SPATS2L: variants seen among roughly 807,000 people sequenced by gnomAD.
SPATS2L encodes SPATS2-like protein.
A neutral mutation model predicts 59.6 loss-of-function variants in SPATS2L; 30 were observed. That is an observed-to-expected ratio of 0.50 (90% CI 0.38 to 0.68). The LOEUF is 0.68. Ranked by LOEUF, SPATS2L falls within the 30% of genes least tolerant of loss-of-function variation. The probability of loss-of-function intolerance (pLI) is 0.00; values close to 1 mark genes in which losing one functional copy is unlikely to be tolerated. For missense variants in SPATS2L, 615 were observed against 700.0 expected, an observed-to-expected ratio of 0.88 and a Z score of 1.37; for synonymous variants, 252 against 263.5, an observed-to-expected ratio of 0.96 and a Z score of 0.42.
chr2:200,467,232 G>A (rs2086664156), intron 9 of SPATS2L, 58 bp from the exon 10 acceptor site: 1 of 1,157,594 alleles, frequency 8.6e-7, no homozygotes, highest in Admixed American at 1.8e-5. Context: ...CAAGAAATTA[G>A]GTTATTTAAT....
chr2:200,378,199 AC>A, intron 2 of SPATS2L: 9 of 1,001,986 alleles, frequency 9.0e-6, no homozygotes, highest in Non-Finnish European at 1.1e-5. Context: ...TCCTGCTACT[AC>A]CCTGGTTTCT....
At chr2:200,402,093 T>C (rs1386449379) in intron 3 of SPATS2L, among the ~76,000 whole-genome samples, 2 of 152,216 alleles carry the variant, frequency 1.3e-5, no homozygotes, top group East Asian at 1.9e-4. Flanking sequence ...TCCCAAGAAA[T>C]TTGTGAGTCT....
intron 6 of SPATS2L, among the ~76,000 whole-genome samples, chr2:200,433,482 A>T (rs999481888): frequency 3.9e-5 from 6 of 152,148 alleles, no homozygotes; most frequent in African/African-American, 1.4e-4. Context: ...AATTGAATTA[A>T]CAATAGCAAT....
chr2:200,475,227 A>G (rs981787594), intron 12 of SPATS2L, among the ~76,000 whole-genome samples: 27 of 152,146 alleles, frequency 1.8e-4, no homozygotes, highest in African/African-American at 6.3e-4. Flanking sequence ...TGGTGTGTGA[A>G]CCCCAAAAAT....
chr2:200,410,399 CAA>C (rs2082836423), intron 3 of SPATS2L, among the ~76,000 whole-genome samples: 1 of 52,886 alleles, frequency 1.9e-5, no homozygotes, highest in Non-Finnish European at 5.5e-5. Flanking sequence ...AAAAACAAAA[CAA>C]AACAAAACAA....
chr2:200,312,241 T>A (rs1342230595), intron 1 of SPATS2L, among the ~76,000 whole-genome samples: 2 of 152,212 alleles, frequency 1.3e-5, no homozygotes, highest in Non-Finnish European at 2.9e-5. Context: ...GAAATGCCAC[T>A]GAAGGTTGAC....
intron 6 of SPATS2L, among the ~76,000 whole-genome samples, chr2:200,435,218 C>T (rs1574524762): frequency 2.6e-5 from 4 of 152,072 alleles, no homozygotes; most frequent in Admixed American, 1.3e-4. Flanking sequence ...CAGAAACCAA[C>T]GTGATACTCA....
In SPATS2L at chr2:200,312,571, T is replaced by C. The variant is rs139301974; in HGVS notation, c.-73+5649T>C. Among the ~76,000 whole-genome samples, 102 of 152,354 alleles carry C rather than the reference T, an allele frequency of 6.7e-4. 1 individual carries two copies. The highest frequency in any genetic ancestry group is 5.2e-3 in the Admixed American group (79 of 15,308). ...ATCGCCTATACCAGGCAATATCTTA[T>C]TTAATTATATACATTCTCTCCTTTA... is the stretch of plus-strand genomic sequence containing the variant. On this transcript the variant is annotated intron_variant, in intron 1 of 12. Transcript: ENST00000409140.
At chr2:200,397,185 C>T (rs2082382218) in intron 3 of SPATS2L, among the ~76,000 whole-genome samples, 1 of 152,146 alleles carries the variant, frequency 6.6e-6, no homozygotes, top group Admixed American at 6.5e-5. Flanking sequence ...CCTGGTAGCC[C>T]CTGTGCACTG....
intron 2 of SPATS2L, among the ~76,000 whole-genome samples, chr2:200,330,076 CACTT>C (rs906802886): frequency 6.6e-6 from 1 of 152,226 alleles, no homozygotes; most frequent in African/African-American, 2.4e-5. Flanking sequence ...CTTCGCATGT[CACTT>C]ACTTTTCTGA....
rs554461818 is a variant in SPATS2L at position 200,308,647 on chromosome 2, A to G, written c.-73+1725A>G. Reference sequence around the variant, plus strand: ...AATACACACACACACACACACAGACACACAAACTAGAGACTAGCCCCAAAA... The same window carrying G: ...AATACACACACACACACACACAGACGCACAAACTAGAGACTAGCCCCAAAA... On this transcript the variant is annotated intron_variant, in intron 1 of 12. Transcript: ENST00000409140. Among the ~76,000 whole-genome samples, 10 of 152,336 alleles carry G rather than the reference A, an allele frequency of 6.6e-5. No individual in the cohort carries two copies. In the East Asian group the frequency reaches 1.7e-3, roughly 26 times the overall value.
intron 3 of SPATS2L, among the ~76,000 whole-genome samples, chr2:200,391,949 T>C (rs1189090238): frequency 6.6e-6 from 1 of 152,230 alleles, no homozygotes; most frequent in East Asian, 1.9e-4. Flanking sequence ...CCTTGGGGTA[T>C]TATTACATGT....
intron 2 of SPATS2L, among the ~76,000 whole-genome samples, chr2:200,347,841 A>G (rs1392210080): frequency 3.3e-5 from 5 of 152,246 alleles, no homozygotes; most frequent in African/African-American, 1.2e-4. Flanking sequence ...CATTTATAGT[A>G]AACGAAGTTG....
intron 6 of SPATS2L, among the ~76,000 whole-genome samples, chr2:200,424,578 C>A (rs1228224372): frequency 6.6e-6 from 1 of 152,172 alleles, no homozygotes; most frequent in Non-Finnish European, 1.5e-5. Flanking sequence ...ATGTCTAAAG[C>A]ACATGTTGAC....
At chr2:200,367,510 G>A (rs1055316063) in intron 2 of SPATS2L, among the ~76,000 whole-genome samples, 1 of 152,180 alleles carries the variant, frequency 6.6e-6, no homozygotes, top group East Asian at 1.9e-4. Context: ...TGGTACAGAA[G>A]CCTAGATGAA....
At chr2:200,411,003 TCACA>T (rs2082857357) in intron 3 of SPATS2L, among the ~76,000 whole-genome samples, 1 of 148,564 alleles carries the variant, frequency 6.7e-6, no homozygotes, top group African/African-American at 2.5e-5. Context: ...TGTGTGTGAC[TCACA>T]CACATACATA....
intron 4 of SPATS2L, among the ~76,000 whole-genome samples, chr2:200,415,922 T>C (rs1214469639): frequency 6.6e-6 from 1 of 152,124 alleles, no homozygotes; most frequent in Non-Finnish European, 1.5e-5. Context: ...GATGTGAACA[T>C]ATGAATAGGG....
intron 5 of SPATS2L, among the ~76,000 whole-genome samples, chr2:200,418,581 TAATA>T (rs146482107): frequency 0.025 from 3,575 of 145,376 alleles, 54 homozygotes; most frequent in South Asian, 0.059. Context: ...CCTTATTAAA[TAATA>T]AATAAATAAA....
chr2:200,422,186 A>G (rs780398923), intron 6 of SPATS2L, among the ~76,000 whole-genome samples: 16 of 152,188 alleles, frequency 1.1e-4, no homozygotes, highest in Non-Finnish European at 1.5e-4. Context: ...GTGTGTTGGT[A>G]TTATTTGTTA....
Sources: gnomAD v4.1 joint callset for allele counts (sites outside exome capture counted in the v4.1 genomes callset) on GRCh38, gnomAD v4.1.1 for gene constraint, MANE v1.5 for transcripts, NCBI Gene and HGNC (gene_info 2026-07-23, HGNC 2026-07-21) for gene names.